The following DDHD1 variants were observed in gnomAD, a reference collection of about 807,000 sequenced individuals.
DDHD1 encodes the protein DDHD domain containing 1.
A neutral mutation model predicts 96.4 loss-of-function variants in DDHD1; 49 were observed. The ratio of observed to expected loss-of-function variants is 0.51; its 90% confidence interval spans 0.40 to 0.64. The LOEUF (loss-of-function observed/expected upper bound fraction) is 0.64. DDHD1 is among the 30% of genes least tolerant of loss of function. DDHD1 has a pLI of 0.00. For missense variants in DDHD1, 1,106 were observed against 1,161.2 expected (o/e 0.95, Z 0.69); for synonymous variants, 442 against 446.5 (o/e 0.99, Z 0.13).
chr14:53,134,433 A>C (rs1469636769), intron 1 of DDHD1, among the ~76,000 whole-genome samples: 1 of 151,778 alleles, frequency 6.6e-6, no homozygotes, highest in African/African-American at 2.4e-5. Context: ...TCTTATTTTC[A>C]TTCTCGTCTT....
intron 2 of DDHD1, among the ~76,000 whole-genome samples, chr14:53,097,399 G>A (rs982452412): frequency 2.6e-5 from 4 of 151,910 alleles, no homozygotes; most frequent in African/African-American, 4.8e-5. Flanking sequence ...GCTGTGCTAC[G>A]TCAGGATTAT....
rs1263322865 is a variant in DDHD1 at position 53,124,209 on chromosome 14, T to A, written c.839-20353A>T. 6.7e-5 allele frequency among the ~76,000 whole-genome samples: 10 copies of A among 150,172 alleles called. 1 individual carries two copies. The South Asian group carries it at 2.1e-3, about 31-fold the overall frequency. On this transcript the variant is annotated intron_variant, in intron 1 of 12. Coordinates refer to ENST00000673822, the MANE Select transcript of DDHD1 (RefSeq NM_001160148.2). ...GAGATCACGCCAGTGCACTCCAGCCTGGGCGACAAGAGTGAAACTCTGTCT... is the reference window on the plus strand; with the variant it reads ...GAGATCACGCCAGTGCACTCCAGCCAGGGCGACAAGAGTGAAACTCTGTCT...
chr14:53,121,041 C>T (rs1888943723), intron 1 of DDHD1, among the ~76,000 whole-genome samples: 1 of 151,932 alleles, frequency 6.6e-6, no homozygotes, highest in Non-Finnish European at 1.5e-5. Flanking sequence ...GAAATCTACC[C>T]ACCTGACAAA....
Position 53,153,037 on chromosome 14 carries a change from C to T in DDHD1, c.62G>A (p.Gly21Asp), listed in dbSNP as rs1891579599. The change falls in exon 1 of 13, where the codon GGC becomes GAC. Residue 21 changes from glycine (G) to aspartate (D), a missense_variant. Physicochemically the swap from Gly to Asp is moderately conservative, Grantham distance 94. Coordinates refer to ENST00000673822, the MANE Select transcript of DDHD1 (RefSeq NM_001160148.2). ...GTCTGAGCCCAGCTCCCAGGCGCCG[C>T]CGCCGCCGCCTCGGCCGTTATGCTC... ...SPEHNGRGGG[G>D]GAWELGSDAR... is the part of the protein sequence containing the mutation. 6.7e-7 allele frequency: 1 copy of T among 1,497,024 alleles called. No individual in the cohort carries two copies. Among genetic ancestry groups the T allele is most frequent in the Non-Finnish European group, 8.9e-7 (1 of 1,129,176 alleles). 92.7% of individuals were successfully genotyped at this position (1,497,024 alleles called of 1,614,324 possible). A position where few individuals can be genotyped will look rare whatever the true frequency, so the allele number is the denominator to read the frequency against.
At chr14:53,086,177 G>A (rs987831761) in intron 4 of DDHD1, among the ~76,000 whole-genome samples, 2 of 152,214 alleles carry the variant, frequency 1.3e-5, no homozygotes, top group African/African-American at 4.8e-5. Context: ...ACGTCTGACT[G>A]GTGTACCTGA....
intron 1 of DDHD1, among the ~76,000 whole-genome samples, chr14:53,130,939 G>C (rs1243227836): frequency 6.6e-6 from 1 of 152,124 alleles, no homozygotes; most frequent in Non-Finnish European, 1.5e-5. Context: ...ACAGTGGAGG[G>C]TAAGTTCATC....
chr14:53,103,943 T>A, intron 1 of DDHD1, 87 bp from the exon 2 acceptor site: 1 of 1,235,914 alleles, frequency 8.1e-7, no homozygotes, highest in African/African-American at 1.5e-5. Context: ...TATATTTTGC[T>A]ACTGCTGTCA....
intron 1 of DDHD1, among the ~76,000 whole-genome samples, chr14:53,114,439 T>G (rs978782527): frequency 1.3e-5 from 2 of 152,198 alleles, no homozygotes; most frequent in Non-Finnish European, 1.5e-5. Flanking sequence ...ACCTCCTGAC[T>G]GGGAGAGATC....
chr14:53,056,008 C>G, intron 9 of DDHD1, 96 bp from the exon 10 acceptor site: 1 of 1,023,196 alleles, frequency 9.8e-7, no homozygotes, highest in Non-Finnish European at 1.4e-6. Context: ...GTTAAGTAAA[C>G]CTCCGAGAAG....
intron 6 of DDHD1, among the ~76,000 whole-genome samples, chr14:53,069,478 G>A (rs1197287510): frequency 1.3e-5 from 2 of 152,106 alleles, no homozygotes; most frequent in East Asian, 3.9e-4. Context: ...TTAAATTAAG[G>A]TATGCATATC....
chr14:53,050,849 C>T (rs943470532), intron 12 of DDHD1, among the ~76,000 whole-genome samples: 19 of 151,972 alleles, frequency 1.3e-4, no homozygotes, highest in African/African-American at 4.6e-4. Context: ...TTTTGAGATA[C>T]TGGATATATG....
chr14:53,086,972 C>CAAAAA (rs60569444), intron 4 of DDHD1, among the ~76,000 whole-genome samples: 18 of 52,220 alleles, frequency 3.4e-4, no homozygotes, highest in East Asian at 7.3e-4. Context: ...AAATGAAAAG[C>CAAAAA]AAAAAAAAAA....
chr14:53,073,916 G>C, intron 4 of DDHD1, 69 bp from the exon 5 acceptor site: 1 of 1,373,542 alleles, frequency 7.3e-7, no homozygotes. Flanking sequence ...AAATTTATAT[G>C]AGATAAAATG....
At chr14:53,111,453 T>A (rs569693019) in intron 1 of DDHD1, among the ~76,000 whole-genome samples, 1 of 152,364 alleles carries the variant, frequency 6.6e-6, no homozygotes, top group East Asian at 1.9e-4. Context: ...TTCTTCCCTG[T>A]AGTTAACGTG....
chr14:53,129,848 G>A (rs1283164361), intron 1 of DDHD1, among the ~76,000 whole-genome samples: 3 of 152,096 alleles, frequency 2.0e-5, no homozygotes, highest in East Asian at 1.9e-4. Context: ...GCCAGAAAAC[G>A]GCACTTTTGA....
chr14:53,070,660 A>C (rs544334505), intron 6 of DDHD1, among the ~76,000 whole-genome samples: 102 of 152,302 alleles, frequency 6.7e-4, no homozygotes, highest in African/African-American at 2.4e-3. Context: ...AGCTTATAAA[A>C]ATGAAAATGT....
intron 7 of DDHD1, among the ~76,000 whole-genome samples, chr14:53,061,601 C>T (rs1021686637): frequency 7.9e-5 from 12 of 151,934 alleles, no homozygotes; most frequent in African/African-American, 2.9e-4. Context: ...TTTGTAACAA[C>T]TATGACTGTC....
rs1215664059 is a variant in DDHD1 at position 53,046,152 on chromosome 14, A to G, written c.*616T>C. Reference sequence around the variant, plus strand: ...ACTATAGAAAATAAATCTGGTTCTTAAATTATGTTCAAAGCAAACATTAAA... The same window carrying G: ...ACTATAGAAAATAAATCTGGTTCTTGAATTATGTTCAAAGCAAACATTAAA... On this transcript the variant is annotated 3_prime_UTR_variant, in exon 13 of 13. Coordinates refer to ENST00000673822, the MANE Select transcript of DDHD1 (RefSeq NM_001160148.2). The G allele has an allele frequency of 6.6e-6, 1 of 152,224 alleles. No homozygotes were observed. 9.4% of individuals were successfully genotyped at this position (152,224 alleles called of 1,614,324 possible).
chr14:53,112,946 T>G (rs1846518392), intron 1 of DDHD1, among the ~76,000 whole-genome samples: 1 of 152,196 alleles, frequency 6.6e-6, no homozygotes, highest in African/African-American at 2.4e-5. Flanking sequence ...TGTAATAATT[T>G]AAACGTGACT....
Sources: allele counts gnomAD v4.1 joint callset (sites outside exome capture counted in the v4.1 genomes callset), GRCh38; gene constraint gnomAD v4.1.1; transcripts MANE v1.5; gene names NCBI Gene and HGNC (gene_info 2026-07-23, HGNC 2026-07-21).